The following OCLN variants were observed in gnomAD, a reference collection of about 807,000 sequenced individuals.
OCLN encodes occludin.
A neutral mutation model predicts 47.9 loss-of-function variants in OCLN; 21 were observed. The observed-to-expected ratio is 0.44, with a 90% CI of 0.31 to 0.63. The LOEUF (loss-of-function observed/expected upper bound fraction) is 0.63, where lower values mean the gene tolerates loss of function less well. OCLN is among the 30% of genes least tolerant of loss of function. The pLI is 0.08. For synonymous variants in OCLN, 117 were observed against 198.4 expected, an observed-to-expected ratio of 0.59 and a Z score of 3.45; for missense variants, 360 against 571.0, an observed-to-expected ratio of 0.63 and a Z score of 3.77.
chr5:69,493,754 C>A lies in OCLN; in HGVS notation c.-69+854C>A, dbSNP rs1386162422. On this transcript the variant is annotated intron_variant, in intron 1 of 8. Coordinates refer to ENST00000396442, the MANE Select transcript of OCLN (RefSeq NM_001205254.2). This position sits in a 1 kb window ranked among gnomAD's most constrained non-coding sequence, Gnocchi z 5.3. ...GCCGGGCCACGGAGTTTGGGGACCT[C>A]CGGGACTGGGCCGGCCCCGCGCGCC... Among the ~76,000 whole-genome samples the A allele has an allele frequency of 6.6e-6, 1 of 152,156 alleles. No individual in the cohort carries two copies. Among genetic ancestry groups the A allele is most frequent in the Non-Finnish European group, 1.5e-5 (1 of 68,024 alleles).
At position 69,509,169 on chromosome 5, in the gene OCLN, G is replaced by A. The variant is rs1768693834; in HGVS notation, c.79G>A (p.Asp27Asn). The change falls in exon 3 of 9, where the codon GAC becomes AAC. Residue 27 changes from aspartate (D) to asparagine (N), a missense_variant. By Grantham distance (23) the Asp-to-Asn change is conservative (BLOSUM62 1). This residue lies in a region of OCLN where 314 missense variants were observed against 368.1 expected (regional missense o/e 0.85). Coordinates refer to ENST00000396442, the MANE Select transcript of OCLN (RefSeq NM_001205254.2). ...ACCGAATCATTATGCACCAAGCAAT[G>A]ACATATATGGTGGAGAGATGCATGT... ...FKPNHYAPSN[D>N]IYGGEMHVRP... 2 of 1,614,092 alleles carry A rather than the reference G, an allele frequency of 1.2e-6. No individual in the cohort carries two copies. Among genetic ancestry groups the A allele is most frequent in the African/African-American group, 2.7e-5 (2 of 75,054 alleles).
Position 69,513,966 on chromosome 5 carries a change from G to C in OCLN, c.748G>C (p.Gly250Arg). 1 of 1,613,818 alleles carries C rather than the reference G, an allele frequency of 6.2e-7. No individual in the cohort carries two copies. Among genetic ancestry groups the C allele is most frequent in the Non-Finnish European group, 8.5e-7 (1 of 1,179,782 alleles). ...DPQEAIAIVL[G>R]FMIIVAFALI... ...TTTTTAGGCCATTGCCATTGTACTG[G>C]GGTTCATGATTATTGTGGCTTTTGC... Residue 250 changes from glycine to arginine, a missense_variant, in exon 4 of 9, where the codon GGG becomes CGG. Gly to Arg is a moderately radical substitution (Grantham distance 125). This residue lies in a region of OCLN where 314 missense variants were observed against 368.1 expected (regional missense o/e 0.85). Transcript: ENST00000396442.
intron 2 of OCLN, among the ~76,000 whole-genome samples, chr5:69,507,249 C>T (rs1320848390): frequency 6.6e-6 from 1 of 152,108 alleles, no homozygotes; most frequent in Non-Finnish European, 1.5e-5. Flanking sequence ...ATTCTCCTGC[C>T]TCAGCCTCCC....
intron 4 of OCLN, among the ~76,000 whole-genome samples, chr5:69,522,210 C>T (rs577637350): frequency 6.6e-6 from 1 of 152,266 alleles, no homozygotes; most frequent in African/African-American, 2.4e-5. Flanking sequence ...GAGAGTTTTA[C>T]ACCCCCTTCA....
In OCLN at chr5:69,553,788, G is replaced by A; in HGVS notation, c.*117G>A. On this transcript the variant is annotated 3_prime_UTR_variant, in exon 9 of 9. Coordinates refer to ENST00000396442, the MANE Select transcript of OCLN (RefSeq NM_001205254.2). ...GCCAAACCTCTGTGAGCATCACAAA[G>A]TTTTGGTTGCTTTAACATCATCAGT... 1 of 1,573,504 alleles carries A rather than the reference G, an allele frequency of 6.4e-7. No individual in the cohort carries two copies. Among genetic ancestry groups the A allele is most frequent in the Non-Finnish European group, 8.7e-7 (1 of 1,152,228 alleles).
chr5:69,497,967 C>T (rs1379880500), intron 1 of OCLN, among the ~76,000 whole-genome samples: 1 of 151,652 alleles, frequency 6.6e-6, no homozygotes, highest in Non-Finnish European at 1.5e-5. Flanking sequence ...CCCGTCTCTA[C>T]TAAAAATACA....
intron 1 of OCLN, among the ~76,000 whole-genome samples, chr5:69,496,590 A>T (rs1332162992): frequency 1.4e-5 from 2 of 137,960 alleles, no homozygotes; most frequent in Non-Finnish European, 3.1e-5. Flanking sequence ...TTTAAGATAG[A>T]TAACGGAGTC....
intron 2 of OCLN, among the ~76,000 whole-genome samples, chr5:69,506,826 A>G (rs1205850243): frequency 6.6e-6 from 1 of 152,232 alleles, no homozygotes; most frequent in Non-Finnish European, 1.5e-5. Context: ...CAGTTTTTAA[A>G]ACATACTAGA....
At chr5:69,535,985 G>A (rs1207205241) in intron 5 of OCLN, among the ~76,000 whole-genome samples, 8 of 152,264 alleles carry the variant, frequency 5.3e-5, no homozygotes, top group South Asian at 2.1e-4. Flanking sequence ...GCGTGGTGGC[G>A]CATGCCTGTA....
chr5:69,497,588 G>A (rs1252473016), intron 1 of OCLN, among the ~76,000 whole-genome samples: 2 of 151,634 alleles, frequency 1.3e-5, no homozygotes, highest in Non-Finnish European at 2.9e-5. Flanking sequence ...AGGTTTCACC[G>A]TGTTGGCCAA....
chr5:69,495,245 A>G (rs890746826), intron 1 of OCLN, among the ~76,000 whole-genome samples: 3 of 152,198 alleles, frequency 2.0e-5, no homozygotes, highest in African/African-American at 7.2e-5. Context: ...CAGACCATGC[A>G]GATTTATGTT....
At chr5:69,524,180 A>G (rs886353777) in intron 4 of OCLN, among the ~76,000 whole-genome samples, 1 of 152,170 alleles carries the variant, frequency 6.6e-6, no homozygotes, top group African/African-American at 2.4e-5. Context: ...GTGCACAGAA[A>G]TAGATTAATT....
intron 1 of OCLN, chr5:69,502,523 C>G (rs1768489728): frequency 6.6e-6 from 1 of 152,182 alleles, no homozygotes; most frequent in Non-Finnish European, 1.5e-5. Flanking sequence ...TTGATTTAAT[C>G]AGTGAACAAA....
intron 4 of OCLN, among the ~76,000 whole-genome samples, chr5:69,522,081 G>T (rs942479983): frequency 5.3e-5 from 8 of 152,160 alleles, no homozygotes; most frequent in African/African-American, 1.9e-4. Flanking sequence ...AGTGATCCTT[G>T]TGCCTTGGCC....
chr5:69,526,102 CT>C (rs1210525784), intron 4 of OCLN, among the ~76,000 whole-genome samples: 7 of 152,182 alleles, frequency 4.6e-5, no homozygotes, highest in African/African-American at 7.2e-5. Context: ...AGTTCTCAAA[CT>C]TTTGCAGGCA....
Position 69,514,034 on chromosome 5 carries a change from CAGG to C in OCLN, c.817_819del (p.Arg273del). On this transcript the variant is annotated inframe_deletion, in exon 4 of 9. Coordinates refer to ENST00000396442, the MANE Select transcript of OCLN (RefSeq NM_001205254.2). ...CTGTGAAAACTCGAAGAAAGATGGA[CAGG>C]TATGACAAGTCCAATATTTTGTGGG... 2 of 1,613,664 alleles carry C rather than the reference CAGG, an allele frequency of 1.2e-6. No homozygotes were observed. The highest frequency in any genetic ancestry group is 1.7e-6 in the Non-Finnish European group (2 of 1,179,624).
rs185862446 is a variant in OCLN, at chr5:69,529,943, C to G, written c.892-4751C>G. 2.6e-5 allele frequency among the ~76,000 whole-genome samples: 4 copies of G among 152,298 alleles called. No individual in the cohort carries two copies. The East Asian group carries it at 5.8e-4, about 22-fold the overall frequency. ...ATTTGTGTTTTCATCCTGCTTTCTT[C>G]TGTCCTTAATTTCTTAGAGATATCC... On this transcript the variant is annotated intron_variant, in intron 4 of 8. Transcript: ENST00000396442.
At chr5:69,508,349 C>CT (rs904993211) in intron 2 of OCLN, among the ~76,000 whole-genome samples, 16 of 151,350 alleles carry the variant, frequency 1.1e-4, no homozygotes, top group African/African-American at 3.4e-4. Flanking sequence ...AGCCACATTT[C>CT]TTTTTTTTTG....
chr5:69,520,383 C>T (rs931706851), intron 4 of OCLN, among the ~76,000 whole-genome samples: 1 of 151,730 alleles, frequency 6.6e-6, no homozygotes, highest in East Asian at 1.9e-4. Flanking sequence ...TCACTGCAAC[C>T]TCTGTCTCCT....
Sources: gnomAD v4.1 joint callset for allele counts (sites outside exome capture counted in the v4.1 genomes callset) on GRCh38, gnomAD v4.1.1 for gene constraint, gnomAD v4.1.1 regional missense constraint, Gnocchi (gnomAD v3.1) non-coding constraint, MANE v1.5 for transcripts, NCBI Gene and HGNC (gene_info 2026-07-23, HGNC 2026-07-21) for gene names.